CSMD1: variants seen among roughly 807,000 people sequenced by gnomAD.
CSMD1 encodes the protein CUB and Sushi multiple domains 1.
In CSMD1, 213 loss-of-function variants were observed where a neutral mutation model predicts 417.5. The observed-to-expected ratio is 0.51, with a 90% CI of 0.46 to 0.57. The LOEUF (loss-of-function observed/expected upper bound fraction) is 0.57. Ranked by LOEUF, CSMD1 falls within the 20% of genes least tolerant of loss-of-function variation. CSMD1 has a pLI of 0.00. For missense variants in CSMD1, 6,923 were observed against 4,529.7 expected (o/e 1.53, Z -15.17); for synonymous variants, 2,862 against 1,736.8 (o/e 1.65, Z -16.11).
At chr8:3,081,954 T>A (rs769963904) in intron 49 of CSMD1, among the ~76,000 whole-genome samples, 3 of 152,176 alleles carry the variant, frequency 2.0e-5, no homozygotes, top group Non-Finnish European at 4.4e-5. Flanking sequence ...TTCATGAAGC[T>A]TCCTTTCCCT....
intron 3 of CSMD1, among the ~76,000 whole-genome samples, chr8:4,334,037 C>A (rs1800021604): frequency 6.6e-6 from 1 of 151,952 alleles, no homozygotes; most frequent in Middle Eastern, 3.2e-3. Context: ...ACCACAGGCA[C>A]CCACCACAAC....
At chr8:4,537,891 C>A (rs529063750) in intron 2 of CSMD1, among the ~76,000 whole-genome samples, 10 of 152,314 alleles carry the variant, frequency 6.6e-5, no homozygotes, top group Admixed American at 1.3e-4. Flanking sequence ...TGCTTATTTT[C>A]TCATTAGTTA....
intron 23 of CSMD1, among the ~76,000 whole-genome samples, chr8:3,321,121 C>T (rs780696830): frequency 1.6e-4 from 25 of 152,078 alleles, no homozygotes; most frequent in Non-Finnish European, 1.2e-4. Context: ...CCACCGAAGG[C>T]GTGCAAAGCC....
At chr8:3,717,363 C>G (rs1373204748) in intron 6 of CSMD1, among the ~76,000 whole-genome samples, 2 of 152,120 alleles carry the variant, frequency 1.3e-5, no homozygotes, top group Admixed American at 6.5e-5. Flanking sequence ...ATTAGTCCCA[C>G]TATAATAAAA....
chr8:2,964,594 G>T (rs1395422661), intron 59 of CSMD1, among the ~76,000 whole-genome samples: 2 of 152,248 alleles, frequency 1.3e-5, no homozygotes, highest in Non-Finnish European at 2.9e-5. Flanking sequence ...ACAGAATTAT[G>T]CATGAAGCAT....
At chr8:3,131,716 C>A (rs956276775) in intron 41 of CSMD1, among the ~76,000 whole-genome samples, 2 of 152,134 alleles carry the variant, frequency 1.3e-5, no homozygotes, top group Non-Finnish European at 2.9e-5. Flanking sequence ...AGGTGATCCA[C>A]CCGCCTCGGC....
intron 5 of CSMD1, among the ~76,000 whole-genome samples, chr8:3,829,888 A>C (rs1802274266): frequency 6.6e-6 from 1 of 152,190 alleles, no homozygotes; most frequent in South Asian, 2.1e-4. Context: ...GTGAACATCT[A>C]TCTACATAGA....
chr8:3,192,799 C>T (rs1796499934), intron 33 of CSMD1, among the ~76,000 whole-genome samples: 1 of 152,064 alleles, frequency 6.6e-6, no homozygotes, highest in Non-Finnish European at 1.5e-5. Flanking sequence ...GTGCTCAAAA[C>T]AAAGCAGATT....
At chr8:3,870,858 A>T (rs1222899670) in intron 5 of CSMD1, among the ~76,000 whole-genome samples, 1 of 152,116 alleles carries the variant, frequency 6.6e-6, no homozygotes, top group East Asian at 1.9e-4. Flanking sequence ...ATTCTGTCTT[A>T]GGTTCCTTAG....
chr8:4,357,532 G>A (rs1413938765), intron 3 of CSMD1, among the ~76,000 whole-genome samples: 1 of 151,954 alleles, frequency 6.6e-6, no homozygotes, highest in South Asian at 2.1e-4. Context: ...CTCTAAGTAA[G>A]TTGGAAATGC....
intron 55 of CSMD1, among the ~76,000 whole-genome samples, chr8:2,977,634 G>A (rs1018144103): frequency 2.0e-5 from 3 of 152,068 alleles, no homozygotes; most frequent in Non-Finnish European, 2.9e-5. Flanking sequence ...TCCTCAGAGT[G>A]AACACACAAC....
chr8:4,440,497 C>G (rs1363581092), intron 2 of CSMD1, among the ~76,000 whole-genome samples: 2 of 152,108 alleles, frequency 1.3e-5, no homozygotes, highest in African/African-American at 4.8e-5. Flanking sequence ...TTCTCATTTC[C>G]CTCTATAATT....
At chr8:3,581,405 C>A (rs1274551141) in intron 9 of CSMD1, among the ~76,000 whole-genome samples, 1 of 152,134 alleles carries the variant, frequency 6.6e-6, no homozygotes, top group Non-Finnish European at 1.5e-5. Context: ...TGTTTGGTAA[C>A]AGGAAGAAAA....
At chr8:4,038,797 G>C (rs1026213126) in intron 3 of CSMD1, among the ~76,000 whole-genome samples, 1 of 152,194 alleles carries the variant, frequency 6.6e-6, no homozygotes, top group Non-Finnish European at 1.5e-5. Context: ...GGGCACAGTT[G>C]TTTTCTCTCA....
At chr8:3,858,721 C>G (rs137871420) in intron 5 of CSMD1, among the ~76,000 whole-genome samples, 5,956 of 151,782 alleles carry the variant, frequency 0.039, 123 homozygotes, top group Middle Eastern at 0.072. Context: ...GTCCATAAAT[C>G]AGATTACATT....
At chr8:3,982,560 G>C (rs763795114) in intron 5 of CSMD1, among the ~76,000 whole-genome samples, 110 of 151,832 alleles carry the variant, frequency 7.2e-4, no homozygotes, top group Admixed American at 1.2e-3. Flanking sequence ...ATGTGCACTA[G>C]AATTATGCGC....
chr8:3,956,974 G>A (rs1221764091), intron 5 of CSMD1, among the ~76,000 whole-genome samples: 3 of 150,650 alleles, frequency 2.0e-5, no homozygotes, highest in African/African-American at 4.9e-5. Context: ...GGTTGGACCT[G>A]TTTTTCTTGT....
At chr8:4,742,314 G>A (rs764701993) in intron 1 of CSMD1, among the ~76,000 whole-genome samples, 1 of 151,874 alleles carries the variant, frequency 6.6e-6, no homozygotes, top group African/African-American at 2.4e-5. Flanking sequence ...ATAGGCATGA[G>A]CCACTGCACC....
At chr8:4,520,164 T>C (rs1803361265) in intron 2 of CSMD1, among the ~76,000 whole-genome samples, 1 of 152,198 alleles carries the variant, frequency 6.6e-6, no homozygotes, top group Admixed American at 6.5e-5. Context: ...ATCAGTAAGC[T>C]TGGCTCTGTT....
Sources: allele counts gnomAD v4.1 joint callset (sites outside exome capture counted in the v4.1 genomes callset), GRCh38; gene constraint gnomAD v4.1.1; transcripts MANE v1.5; gene names NCBI Gene and HGNC (gene_info 2026-07-23, HGNC 2026-07-21).